NOP9: variants seen among roughly 807,000 people sequenced by gnomAD.
The protein encoded by NOP9 is NOP9 nucleolar protein.
Under a neutral mutation model 63.0 loss-of-function variants are expected in NOP9, and 50 were observed. The ratio of observed to expected loss-of-function variants is 0.79; its 90% CI spans 0.63 to 1.00. The LOEUF is 1.00. Ranked by LOEUF, NOP9 falls within the 50% of genes least tolerant of loss-of-function variation. NOP9 has a pLI of 0.00. For synonymous variants in NOP9, 343 were observed against 332.8 expected (o/e 1.03, Z -0.33); for missense variants, 758 against 803.0 (o/e 0.94, Z 0.68).
chr14:24,307,537 C>T lies in NOP9; in HGVS notation c.*2442C>T, dbSNP rs1321593017. On this transcript the variant is annotated 3_prime_UTR_variant, in exon 10 of 10. Transcript: ENST00000267425. ...TGACCTGGTAGTTGAGAAGAAAAGT[C>T]AAGAAGGGGCGAGGAGGGGCTTGGT... 1.2e-6 allele frequency: 2 copies of T among 1,608,948 alleles called. No homozygotes were observed. The highest frequency in any genetic ancestry group is 1.7e-6 in the Non-Finnish European group (2 of 1,177,004).
chr14:24,300,984 C>T, intron 2 of NOP9, 127 bp downstream of exon 2: 1 of 756,924 alleles, frequency 1.3e-6, no homozygotes. Flanking sequence ...TTGACCTGTC[C>T]TAATCTGAAC....
the NOP9 span, among the ~76,000 whole-genome samples, chr14:24,284,630 G>C: frequency 6.6e-6 from 1 of 152,144 alleles, no homozygotes; most frequent in Non-Finnish European, 1.5e-5. Context: ...CTGAGGTCAT[G>C]GGTGGGGCTC....
chr14:24,296,728 C>A, upstream of NOP9: 1 of 1,614,148 alleles, frequency 6.2e-7, no homozygotes, highest in South Asian at 1.1e-5. Flanking sequence ...GAACAAAGTT[C>A]AAAGGGTACC....
chr14:24,290,716 A>T, the NOP9 span: 1 of 1,065,778 alleles, frequency 9.4e-7, no homozygotes. Flanking sequence ...GCACCCCAGA[A>T]CTCACCACGG....
the NOP9 span, among the ~76,000 whole-genome samples, chr14:24,283,303 A>T: frequency 6.6e-6 from 1 of 152,148 alleles, no homozygotes; most frequent in Non-Finnish European, 1.5e-5. Flanking sequence ...AAATCTAGTC[A>T]TCAAGGCCAG....
the NOP9 span, among the ~76,000 whole-genome samples, chr14:24,273,475 C>T: frequency 6.6e-6 from 1 of 152,038 alleles, no homozygotes; most frequent in African/African-American, 2.4e-5. Context: ...CACCATGCCC[C>T]GCCAGTGCTT....
At chr14:24,276,227 A>C in the NOP9 span, among the ~76,000 whole-genome samples, 1 of 151,956 alleles carries the variant, frequency 6.6e-6, no homozygotes, top group Non-Finnish European at 1.5e-5. Flanking sequence ...AAATACAAAA[A>C]TTAGCTGGGC....
the NOP9 span, chr14:24,291,229 CACAG>C: frequency 3.7e-6 from 6 of 1,613,932 alleles, no homozygotes; most frequent in East Asian, 2.2e-5. Flanking sequence ...TCTGCGGGCA[CACAG>C]ACAGGTGGAG....
the NOP9 span, chr14:24,291,132 T>A: frequency 2.5e-6 from 4 of 1,613,890 alleles, no homozygotes; most frequent in Non-Finnish European, 3.4e-6. Context: ...TGTGCCAGGG[T>A]CCTCACCGTC....
At chr14:24,288,870 G>A in the NOP9 span, among the ~76,000 whole-genome samples, 2 of 151,972 alleles carry the variant, frequency 1.3e-5, no homozygotes, top group African/African-American at 4.8e-5. Flanking sequence ...TTTGAGACTG[G>A]GTCTCACTCT....
chr14:24,307,569 A>G lies in NOP9; in HGVS notation c.*2474A>G. ...GGGCGAGGAGGGGCTTGGTGAGTGTAAAGGGCATGATGAGGGTAGAGTGGC... is the reference window on the plus strand; with the variant it reads ...GGGCGAGGAGGGGCTTGGTGAGTGTGAAGGGCATGATGAGGGTAGAGTGGC... On this transcript the variant is annotated 3_prime_UTR_variant, in exon 10 of 10. Coordinates refer to ENST00000267425, the MANE Select transcript of NOP9 (RefSeq NM_174913.3). 1 of 1,584,556 alleles carries G rather than the reference A, an allele frequency of 6.3e-7. No homozygotes were observed. The highest frequency in any genetic ancestry group is 8.6e-7 in the Non-Finnish European group (1 of 1,160,432).
At chr14:24,286,551 C>T in the NOP9 span, among the ~76,000 whole-genome samples, 1 of 152,116 alleles carries the variant, frequency 6.6e-6, no homozygotes, top group Non-Finnish European at 1.5e-5. Context: ...CATGACACCT[C>T]ACTCTGTCCT....
At chr14:24,285,172 A>G in the NOP9 span, among the ~76,000 whole-genome samples, 2 of 152,244 alleles carry the variant, frequency 1.3e-5, no homozygotes, top group Non-Finnish European at 2.9e-5. Flanking sequence ...AGAAAGAGGC[A>G]TCTCCATGTG....
chr14:24,299,950 C>A lies in NOP9; in HGVS notation c.-5C>A. ...TTTTGCAGCCGGACAGGTCGCGAAG[C>A]ACACATGGGGCAGGGTCCGCGCTCT... On this transcript the variant is annotated 5_prime_UTR_variant, in exon 1 of 10. Coordinates refer to ENST00000267425, the MANE Select transcript of NOP9 (RefSeq NM_174913.3). 1 of 1,531,094 alleles carries A rather than the reference C, an allele frequency of 6.5e-7. No individual in the cohort carries two copies. 94.8% of individuals were successfully genotyped at this position (1,531,094 alleles called of 1,614,324 possible). A position where few individuals can be genotyped will look rare whatever the true frequency, so the allele number is the denominator to read the frequency against.
the NOP9 span, chr14:24,291,596 G>C: frequency 2.8e-5 from 46 of 1,614,204 alleles, no homozygotes; most frequent in Admixed American, 7.5e-4. Context: ...TCAATTCTGT[G>C]GTTTCCGCAG....
chr14:24,278,210 C>A, the NOP9 span, among the ~76,000 whole-genome samples: 1 of 152,220 alleles, frequency 6.6e-6, no homozygotes, highest in East Asian at 1.9e-4. Context: ...AAGTCACATA[C>A]CTGGAGGTGG....
At chr14:24,288,124 C>T in the NOP9 span, among the ~76,000 whole-genome samples, 2 of 152,150 alleles carry the variant, frequency 1.3e-5, no homozygotes, top group Non-Finnish European at 2.9e-5. Context: ...CTTGGGATAC[C>T]AGGACCGAGG....
In NOP9 at chr14:24,308,521, C is replaced by G. The variant is rs927538047; in HGVS notation, c.*3426C>G. 6.5e-6 allele frequency: 1 copy of G among 154,444 alleles called. No homozygotes were observed. The highest frequency in any genetic ancestry group is 2.4e-5 in the African/African-American group (1 of 41,444). 9.6% of individuals were successfully genotyped at this position (154,444 alleles called of 1,614,324 possible). A position where few individuals can be genotyped will look rare whatever the true frequency, so the allele number is the denominator to read the frequency against. On this transcript the variant is annotated 3_prime_UTR_variant, in exon 10 of 10. Transcript: ENST00000267425. ...CTTGGTCGGAGGAGGGGCTGGCTCA[C>G]TGCTCTGGCTTCATTTTCCAGAGCT...
chr14:24,283,553 T>C, the NOP9 span, among the ~76,000 whole-genome samples: 2 of 152,068 alleles, frequency 1.3e-5, no homozygotes, highest in Non-Finnish European at 2.9e-5. Context: ...TGAGCTGAGA[T>C]CGCACCACCC....
Sources: allele counts gnomAD v4.1 joint callset (sites outside exome capture counted in the v4.1 genomes callset), GRCh38; gene constraint gnomAD v4.1.1; transcripts MANE v1.5; gene names NCBI Gene and HGNC (gene_info 2026-07-23, HGNC 2026-07-21).